Variants in CSMD1 observed in about 807,000 individuals in gnomAD.
The protein encoded by CSMD1 is CUB and sushi domain-containing protein 1.
A neutral mutation model predicts 417.5 loss-of-function variants in CSMD1; 213 were observed. The observed-to-expected ratio is 0.51, with a 90% CI of 0.46 to 0.57. CSMD1 has a LOEUF of 0.57. CSMD1 is among the 20% of genes least tolerant of loss of function. The pLI is 0.00. For missense variants in CSMD1, 6,923 were observed against 4,529.7 expected, an observed-to-expected ratio of 1.53 and a Z score of -15.17; for synonymous variants, 2,862 against 1,736.8, an observed-to-expected ratio of 1.65 and a Z score of -16.11.
At chr8:4,910,474 G>A (rs920234671) in intron 1 of CSMD1, among the ~76,000 whole-genome samples, 1 of 152,170 alleles carries the variant, frequency 6.6e-6, no homozygotes, top group Non-Finnish European at 1.5e-5. Context: ...CTGATGCAGG[G>A]TCTTGCCTGG....
intron 1 of CSMD1, among the ~76,000 whole-genome samples, chr8:4,768,070 C>G (rs1248381247): frequency 6.6e-6 from 1 of 152,148 alleles, no homozygotes; most frequent in African/African-American, 2.4e-5. Flanking sequence ...CAGCCCCTTG[C>G]ATAGGACCTT....
chr8:4,358,190 G>T (rs182328531), intron 3 of CSMD1, among the ~76,000 whole-genome samples: 1 of 152,134 alleles, frequency 6.6e-6, no homozygotes, highest in South Asian at 2.1e-4. Flanking sequence ...ATTCAGGGAT[G>T]AATGTCTTCT....
intron 3 of CSMD1, among the ~76,000 whole-genome samples, chr8:4,210,775 A>T (rs993803200): frequency 6.6e-6 from 1 of 152,214 alleles, no homozygotes; most frequent in Non-Finnish European, 1.5e-5. Context: ...TTTGAATTCA[A>T]TGAGTAAATA....
intron 1 of CSMD1, among the ~76,000 whole-genome samples, chr8:4,722,020 C>A (rs756523711): frequency 6.6e-6 from 1 of 151,938 alleles, no homozygotes; most frequent in African/African-American, 2.4e-5. Flanking sequence ...GGGCTGGCAT[C>A]GAATGAGGAG....
intron 2 of CSMD1, among the ~76,000 whole-genome samples, chr8:4,540,033 G>C (rs901856124): frequency 6.6e-6 from 1 of 152,132 alleles, no homozygotes; most frequent in Non-Finnish European, 1.5e-5. Flanking sequence ...CACTCGCCAA[G>C]CAGCAAGCTG....
In CSMD1 at chr8:4,761,886, TCTACCTAC is replaced by T. The variant is rs200987498; in HGVS notation, c.86-124336_86-124329del. On this transcript the variant is annotated intron_variant, in intron 1 of 69. Coordinates refer to ENST00000635120, the MANE Select transcript of CSMD1 (RefSeq NM_033225.6). ...ATCTATCTATCTATCTATCTATCTATCTACCTACCTATCTATCTATCTATCAATCTATC... is the reference window on the plus strand; with the variant it reads ...ATCTATCTATCTATCTATCTATCTATCTATCTATCTATCTATCAATCTATC... 6.2e-3 allele frequency among the ~76,000 whole-genome samples: 573 copies of T among 91,984 alleles called. 4 individuals are homozygous for T. The highest frequency in any genetic ancestry group is 0.014 in the South Asian group (38 of 2,748). The allele number at this position is 91,984 out of a possible 152,430, so 60.3% of individuals were successfully genotyped here. A position where few individuals can be genotyped will look rare whatever the true frequency, so the allele number is the denominator to read the frequency against.
At chr8:3,452,668 C>A (rs1326864146) in intron 12 of CSMD1, among the ~76,000 whole-genome samples, 1 of 152,138 alleles carries the variant, frequency 6.6e-6, no homozygotes, top group Non-Finnish European at 1.5e-5. Flanking sequence ...GGATGAAACC[C>A]ACTTGATCAT....
At chr8:4,697,318 C>T (rs2116797291) in intron 1 of CSMD1, among the ~76,000 whole-genome samples, 1 of 152,184 alleles carries the variant, frequency 6.6e-6, no homozygotes, top group Non-Finnish European at 1.5e-5. Flanking sequence ...GTTATCATTG[C>T]CCTTCTCACC....
rs1164495787 is a variant in CSMD1 at position 3,795,622 on chromosome 8, A to G, written c.819-41580T>C. ...ATATATATCTATCATAGATATAGAT[A>G]TATATCTATCATGTATAGATATAGA... On this transcript the variant is annotated intron_variant, in intron 5 of 69. Coordinates refer to ENST00000635120, the MANE Select transcript of CSMD1 (RefSeq NM_033225.6). 5.9e-5 allele frequency among the ~76,000 whole-genome samples: 2 copies of G among 34,026 alleles called. 1 individual carries two copies. Among genetic ancestry groups the G allele is most frequent in the Non-Finnish European group, 1.0e-4 (2 of 19,722 alleles). The allele number at this position is 34,026 out of a possible 152,430, so 22.3% of individuals were successfully genotyped here. A position where few individuals can be genotyped will look rare whatever the true frequency, so the allele number is the denominator to read the frequency against.
intron 4 of CSMD1, among the ~76,000 whole-genome samples, chr8:4,000,516 C>T (rs969764241): frequency 2.0e-5 from 3 of 152,174 alleles, no homozygotes; most frequent in African/African-American, 7.2e-5. Context: ...GCTCTAAGCC[C>T]CTTGTGTTGG....
intron 10 of CSMD1, among the ~76,000 whole-genome samples, chr8:3,526,307 T>C (rs894441329): frequency 1.3e-5 from 2 of 149,080 alleles, no homozygotes; most frequent in African/African-American, 5.0e-5. Context: ...ATAGGCAATG[T>C]TTAAAATATA....
At chr8:3,582,582 A>G (rs1396516482) in intron 9 of CSMD1, among the ~76,000 whole-genome samples, 1 of 152,198 alleles carries the variant, frequency 6.6e-6, no homozygotes, top group Admixed American at 6.5e-5. Flanking sequence ...TTGCGCTGTC[A>G]TATGTGGCAA....
At chr8:3,058,388 T>C (rs6558705) in intron 49 of CSMD1, among the ~76,000 whole-genome samples, 149,678 of 152,310 alleles carry the variant, frequency 0.98, 73,614 homozygotes, top group Middle Eastern at 1. Context: ...AGACAGTAAA[T>C]ATATACAAAT....
chr8:3,677,146 G>C (rs1365413685), intron 7 of CSMD1, among the ~76,000 whole-genome samples: 1 of 152,080 alleles, frequency 6.6e-6, no homozygotes, highest in East Asian at 1.9e-4. Context: ...TTCTGCACAT[G>C]TAACCCAGAA....
chr8:4,041,121 A>G (rs11136693), intron 3 of CSMD1, among the ~76,000 whole-genome samples: 43,340 of 145,388 alleles, frequency 0.3, 6,381 homozygotes, highest in Middle Eastern at 0.35. Flanking sequence ...GGTTCCCGCC[A>G]TTCTCCTGCC....
At chr8:3,244,537 G>C (rs1008039611) in intron 26 of CSMD1, among the ~76,000 whole-genome samples, 1 of 152,174 alleles carries the variant, frequency 6.6e-6, no homozygotes, top group Non-Finnish European at 1.5e-5. Context: ...ACATACATCT[G>C]GGTCGCCTCT....
At chr8:2,957,836 G>C (rs1803128377) in intron 62 of CSMD1, 29 bp from the exon 63 acceptor site, 3 of 1,433,372 alleles carry the variant, frequency 2.1e-6, no homozygotes, top group African/African-American at 1.4e-5. Flanking sequence ...ACTAGCTTCA[G>C]AGGCCAAGGG....
At chr8:4,291,204 AT>A (rs955370726) in intron 3 of CSMD1, among the ~76,000 whole-genome samples, 2 of 152,094 alleles carry the variant, frequency 1.3e-5, no homozygotes, top group African/African-American at 2.4e-5. Context: ...TGGTATTTTA[AT>A]TTTAAAAACA....
At chr8:4,332,802 A>C (rs1313122486) in intron 3 of CSMD1, among the ~76,000 whole-genome samples, 1 of 152,030 alleles carries the variant, frequency 6.6e-6, no homozygotes, top group African/African-American at 2.4e-5. Context: ...ATGTGTGGAG[A>C]CAGGAGAAGT....
Sources: gnomAD v4.1 joint callset for allele counts (sites outside exome capture counted in the v4.1 genomes callset) on GRCh38, gnomAD v4.1.1 for gene constraint, MANE v1.5 for transcripts, NCBI Gene and HGNC (gene_info 2026-07-23, HGNC 2026-07-21) for gene names.